TP63: variants seen among roughly 807,000 people sequenced by gnomAD.
The protein encoded by TP63 is tumor protein 63.
In TP63, 17 loss-of-function variants were observed where a neutral mutation model predicts 82.8. That is an observed-to-expected ratio of 0.21 (90% CI 0.14 to 0.31). The LOEUF (loss-of-function observed/expected upper bound fraction) is 0.31, where lower values mean the gene tolerates loss of function less well. Among genes scored for constraint, TP63 ranks in the 10% least tolerant of loss-of-function variants. TP63 has a pLI of 1.00. For synonymous variants in TP63, 330 were observed against 321.7 expected (o/e 1.03, Z -0.28); for missense variants, 648 against 895.3 (o/e 0.72, Z 3.52).
intron 3 of TP63, among the ~76,000 whole-genome samples, chr3:189,783,906 A>G (rs1444177924): frequency 1.3e-5 from 2 of 151,968 alleles, no homozygotes; most frequent in African/African-American, 4.8e-5. Context: ...ACTTAAATCC[A>G]TAACATTTGA....
At chr3:189,682,536 GAAAAAAAAAAA>G (rs375284237) in intron 1 of TP63, among the ~76,000 whole-genome samples, 6 of 19,192 alleles carry the variant, frequency 3.1e-4, no homozygotes, top group Non-Finnish European at 1.1e-3. Context: ...GTCCTAAGGG[GAAAAAAAAAAA>G]AAAAAAATAT....
intron 1 of TP63, among the ~76,000 whole-genome samples, chr3:189,653,352 A>C (rs1713060463): frequency 6.6e-6 from 1 of 152,168 alleles, no homozygotes. Context: ...TGTACTTTAG[A>C]TATGTTAATA....
chr3:189,636,022 C>T (rs1157705584), intron 1 of TP63, among the ~76,000 whole-genome samples: 2 of 152,062 alleles, frequency 1.3e-5, no homozygotes, highest in African/African-American at 4.8e-5. Flanking sequence ...CTACAGTCTG[C>T]ATATGTTGTT....
chr3:189,724,434 G>GTA (rs1474933121), intron 1 of TP63, among the ~76,000 whole-genome samples: 2 of 152,108 alleles, frequency 1.3e-5, no homozygotes, highest in Admixed American at 1.3e-4. Context: ...CCCCCAAGTA[G>GTA]TATACACTGA....
chr3:189,829,711 C>T (rs1267200341), intron 4 of TP63, among the ~76,000 whole-genome samples: 1 of 152,182 alleles, frequency 6.6e-6, no homozygotes, highest in East Asian at 1.9e-4. Flanking sequence ...TAAAAATTTA[C>T]TTCACTTCTA....
At chr3:189,880,940 C>A in intron 10 of TP63, 4 of 985,358 alleles carry the variant, frequency 4.1e-6, no homozygotes, top group Non-Finnish European at 4.8e-6. Flanking sequence ...TACAAAAAAA[C>A]TGTTGTTTGG....
chr3:189,748,409 A>G (rs1721536776), intron 3 of TP63, among the ~76,000 whole-genome samples: 1 of 151,800 alleles, frequency 6.6e-6, no homozygotes, highest in Non-Finnish European at 1.5e-5. Context: ...TAGCTGAGAA[A>G]GAAATCAAGA....
intron 1 of TP63, among the ~76,000 whole-genome samples, chr3:189,679,615 T>C (rs1715736930): frequency 6.6e-6 from 1 of 152,126 alleles, no homozygotes; most frequent in South Asian, 2.1e-4. Flanking sequence ...TTTTTTACTG[T>C]ACAAAAGTTT....
chr3:189,799,345 A>G (rs1055854125), intron 3 of TP63, among the ~76,000 whole-genome samples: 23 of 152,178 alleles, frequency 1.5e-4, no homozygotes, highest in South Asian at 6.2e-4. Context: ...TCTACCAGAA[A>G]CTAAATGTCT....
At chr3:189,717,419 T>C (rs1190685249) in intron 1 of TP63, among the ~76,000 whole-genome samples, 1 of 152,160 alleles carries the variant, frequency 6.6e-6, no homozygotes, top group Admixed American at 6.6e-5. Context: ...CACAATAACT[T>C]TGAATAATAA....
At chr3:189,808,166 C>T in intron 3 of TP63, 106 bp from the exon 4 acceptor site, 2 of 1,585,326 alleles carry the variant, frequency 1.3e-6, no homozygotes, top group African/African-American at 1.3e-5. Flanking sequence ...GTGCTTCCGA[C>T]GTGAGGTCCA....
Position 189,634,715 on chromosome 3 carries a change from A to T in TP63, c.62+3138A>T, listed in dbSNP as rs150278651. On this transcript the variant is annotated intron_variant, in intron 1 of 13. Transcript: ENST00000264731. ...CTTAATTTTTAAAATATTGAACTATAGATGAAATTATAAAAGTTCAATAAA... is the reference window on the plus strand; with the variant it reads ...CTTAATTTTTAAAATATTGAACTATTGATGAAATTATAAAAGTTCAATAAA... Among the ~76,000 whole-genome samples, 167 of 152,228 alleles carry T rather than the reference A, an allele frequency of 1.1e-3. 1 individual carries two copies. Among genetic ancestry groups the T allele is most frequent in the Non-Finnish European group, 2.2e-3 (148 of 67,974 alleles).
At chr3:189,744,597 C>T (rs1049354036) in intron 3 of TP63, among the ~76,000 whole-genome samples, 3 of 152,238 alleles carry the variant, frequency 2.0e-5, no homozygotes, top group Non-Finnish European at 4.4e-5. Flanking sequence ...AACTTACACA[C>T]ATCACCTGCA....
At chr3:189,780,301 C>T (rs1433480522) in intron 3 of TP63, among the ~76,000 whole-genome samples, 1 of 152,124 alleles carries the variant, frequency 6.6e-6, no homozygotes, top group Non-Finnish European at 1.5e-5. Context: ...CTCTTATTAC[C>T]CAGCCCCAAA....
intron 4 of TP63, among the ~76,000 whole-genome samples, chr3:189,851,381 G>A (rs553136219): frequency 6.6e-6 from 1 of 152,168 alleles, no homozygotes; most frequent in East Asian, 1.9e-4. Context: ...GCAACATGGG[G>A]GAAACCCCGT....
chr3:189,885,466 G>A (rs1403574590), intron 10 of TP63, among the ~76,000 whole-genome samples: 1 of 152,204 alleles, frequency 6.6e-6, no homozygotes, highest in African/African-American at 2.4e-5. Context: ...AGGCCAGGAT[G>A]TTAAGTAGCT....
At chr3:189,604,725 C>T in the TP63 span, among the ~76,000 whole-genome samples, 1 of 152,142 alleles carries the variant, frequency 6.6e-6, no homozygotes, top group Non-Finnish European at 1.5e-5. Context: ...TTTAATGCAA[C>T]TATATCTTAT....
intron 1 of TP63, among the ~76,000 whole-genome samples, chr3:189,651,577 AC>A (rs1712893711): frequency 6.9e-6 from 1 of 145,286 alleles, no homozygotes; most frequent in African/African-American, 2.6e-5. Flanking sequence ...GCAAAGAAAA[AC>A]CCATTTTGGG....
chr3:189,830,242 G>A lies in TP63; in HGVS notation c.579+21716G>A, dbSNP rs143562423. Among the ~76,000 whole-genome samples the A allele has an allele frequency of 2.1e-3, 319 of 152,270 alleles. 1 individual carries two copies. The highest frequency in any genetic ancestry group is 7.4e-3 in the African/African-American group (307 of 41,556). ...TTACAAATTGTAGTCAGGAGCTACC[G>A]TTGTAACAGTCTGCCAGAGTTCCTG... On this transcript the variant is annotated intron_variant, in intron 4 of 13. Coordinates refer to ENST00000264731, the MANE Select transcript of TP63 (RefSeq NM_003722.5).
Sources: allele counts gnomAD v4.1 joint callset (sites outside exome capture counted in the v4.1 genomes callset), GRCh38; gene constraint gnomAD v4.1.1; transcripts MANE v1.5; gene names NCBI Gene and HGNC (gene_info 2026-07-23, HGNC 2026-07-21).